PCDH15: variants seen among roughly 807,000 people sequenced by gnomAD.
PCDH15 encodes protocadherin-15.
A neutral mutation model predicts 178.5 loss-of-function variants in PCDH15; 129 were observed. That is an observed-to-expected ratio of 0.72 (90% CI 0.63 to 0.84). The LOEUF (loss-of-function observed/expected upper bound fraction) is 0.84, where lower values mean the gene tolerates loss of function less well. Ranked by LOEUF, PCDH15 falls within the 40% of genes least tolerant of loss-of-function variation. PCDH15 has a pLI of 0.00. For missense variants in PCDH15, 2,230 were observed against 2,099.9 expected (o/e 1.06, Z -1.21); for synonymous variants, 800 against 732.0 (o/e 1.09, Z -1.50).
At chr10:55,503,154 T>C (rs1176919869) in intron 2 of PCDH15, among the ~76,000 whole-genome samples, 1 of 151,318 alleles carries the variant, frequency 6.6e-6, no homozygotes, top group Non-Finnish European at 1.5e-5. Context: ...ATGCTTATTA[T>C]GAGTTAAGTT....
At chr10:54,170,531 G>A (rs2046783509) in intron 13 of PCDH15, among the ~76,000 whole-genome samples, 1 of 151,260 alleles carries the variant, frequency 6.6e-6, no homozygotes, top group Non-Finnish European at 1.5e-5. Flanking sequence ...TATACTTTCT[G>A]CTTCCCAGCT....
At chr10:54,552,131 C>G (rs1375493290) in intron 2 of PCDH15, among the ~76,000 whole-genome samples, 1 of 151,994 alleles carries the variant, frequency 6.6e-6, no homozygotes. Flanking sequence ...TTAAATTAGA[C>G]ATATTTCAGT....
chr10:54,087,638 G>C (rs764305949), intron 16 of PCDH15, among the ~76,000 whole-genome samples: 18 of 152,128 alleles, frequency 1.2e-4, no homozygotes, highest in Non-Finnish European at 2.2e-4. Flanking sequence ...TTATGTAGAT[G>C]CACGTCTTCA....
chr10:55,037,390 T>C (rs780328994), intron 2 of PCDH15, among the ~76,000 whole-genome samples: 1 of 152,086 alleles, frequency 6.6e-6, no homozygotes, highest in African/African-American at 2.4e-5. Context: ...CCGGCTACCA[T>C]GCCTGGGTAA....
intron 20 of PCDH15, among the ~76,000 whole-genome samples, chr10:53,996,497 C>T (rs921533516): frequency 3.3e-5 from 5 of 152,086 alleles, no homozygotes; most frequent in South Asian, 2.1e-4. Context: ...CACTTCAGTG[C>T]GAGGCACTGA....
At chr10:54,916,659 T>A (rs944953012) in intron 2 of PCDH15, among the ~76,000 whole-genome samples, 2 of 152,196 alleles carry the variant, frequency 1.3e-5, no homozygotes, top group Non-Finnish European at 2.9e-5. Context: ...AAAGCCATCA[T>A]TACACATCTC....
At chr10:55,011,381 A>G (rs1484031657) in intron 2 of PCDH15, among the ~76,000 whole-genome samples, 1 of 152,122 alleles carries the variant, frequency 6.6e-6, no homozygotes, top group East Asian at 1.9e-4. Context: ...AAATTAAAAT[A>G]TGGAAGACAT....
At chr10:55,306,310 T>A (rs1588897369) in intron 1 of PCDH15, among the ~76,000 whole-genome samples, 1 of 152,210 alleles carries the variant, frequency 6.6e-6, no homozygotes, top group Non-Finnish European at 1.5e-5. Flanking sequence ...AAACATAAGT[T>A]TTATACCAAC....
At chr10:54,671,218 G>C (rs955958154) in intron 1 of PCDH15, among the ~76,000 whole-genome samples, 1 of 152,110 alleles carries the variant, frequency 6.6e-6, no homozygotes, top group Admixed American at 6.6e-5. Context: ...AAAGAAGCTT[G>C]AAAGAGAGTT....
intron 2 of PCDH15, among the ~76,000 whole-genome samples, chr10:55,026,909 T>C (rs934439214): frequency 6.6e-6 from 1 of 151,948 alleles, no homozygotes; most frequent in Non-Finnish European, 1.5e-5. Flanking sequence ...CATTTTGTTT[T>C]GGAAAGTGTG....
chr10:54,289,756 G>A (rs1438914342), intron 8 of PCDH15, among the ~76,000 whole-genome samples: 1 of 152,158 alleles, frequency 6.6e-6, no homozygotes, highest in African/African-American at 2.4e-5. Flanking sequence ...GCATACACAA[G>A]CTTCAATGGC....
intron 6 of PCDH15, among the ~76,000 whole-genome samples, chr10:54,344,920 A>AAAAAAAAAAAACAAAAAC (rs1942976616): frequency 6.9e-6 from 1 of 145,238 alleles, no homozygotes; most frequent in African/African-American, 2.5e-5. Flanking sequence ...AAAAAAAAAA[A>AAAAAAAAAAAACAAAAAC]AAAAAACAAG....
At chr10:55,484,995 A>T (rs1840266835) in intron 2 of PCDH15, among the ~76,000 whole-genome samples, 1 of 151,778 alleles carries the variant, frequency 6.6e-6, no homozygotes, top group South Asian at 2.1e-4. Flanking sequence ...TTTTGTCAAG[A>T]CCTCAAAAGA....
chr10:54,622,622 TATATA>T (rs1365218383), intron 2 of PCDH15, among the ~76,000 whole-genome samples: 5 of 43,040 alleles, frequency 1.2e-4, no homozygotes, highest in African/African-American at 1.9e-4. Flanking sequence ...ATATATAATA[TATATA>T]ATATATATTA....
chr10:54,647,089 C>G (rs181203158), intron 2 of PCDH15, among the ~76,000 whole-genome samples: 1 of 152,048 alleles, frequency 6.6e-6, no homozygotes, highest in Non-Finnish European at 1.5e-5. Flanking sequence ...GACAACCTAA[C>G]TTTTCATTGA....
At position 55,259,901 on chromosome 10, in the gene PCDH15, TCAAAAAAAAAAAA is replaced by T. The variant is rs1320505713; in HGVS notation, c.-156+59685_-156+59697del. ...TGGGCAACAAGAGCAAAACTCCGTC[TCAAAAAAAAAAAA>T]AAAAAAAAAAAAAAAAAAAAAAAAA... On this transcript the variant is annotated intron_variant, in intron 1 of 5. Transcript: ENST00000458638. 3.1e-4 allele frequency among the ~76,000 whole-genome samples: 2 copies of T among 6,408 alleles called. 1 individual carries two copies. Among genetic ancestry groups the T allele is most frequent in the Non-Finnish European group, 5.3e-4 (2 of 3,754 alleles). The allele number at this position is 6,408 out of a possible 152,430, so 4.2% of individuals were successfully genotyped here.
chr10:55,220,921 T>G (rs1392266327), intron 1 of PCDH15, among the ~76,000 whole-genome samples: 1 of 152,064 alleles, frequency 6.6e-6, no homozygotes, highest in Non-Finnish European at 1.5e-5. Context: ...AATTTATAAT[T>G]AGCTTGTAAA....
chr10:54,675,594 A>G (rs113155187), intron 1 of PCDH15, among the ~76,000 whole-genome samples: 5 of 152,092 alleles, frequency 3.3e-5, no homozygotes, highest in African/African-American at 9.6e-5. Context: ...TTTCGACCTA[A>G]GAATTTGTTC....
chr10:54,623,735 A>C (rs1011349696), intron 2 of PCDH15, among the ~76,000 whole-genome samples: 4 of 152,098 alleles, frequency 2.6e-5, no homozygotes, highest in African/African-American at 9.7e-5. Context: ...AATCAAGATG[A>C]AGCTAAGATA....
Sources: gnomAD v4.1 joint callset for allele counts (sites outside exome capture counted in the v4.1 genomes callset) on GRCh38, gnomAD v4.1.1 for gene constraint, MANE v1.5 for transcripts, NCBI Gene and HGNC (gene_info 2026-07-23, HGNC 2026-07-21) for gene names.